The following MCTP2 variants were observed in gnomAD, a reference collection of about 807,000 sequenced individuals.
The protein encoded by MCTP2 is multiple C2 and transmembrane domain containing 2.
MCTP2 carries 132 observed loss-of-function variants against 111.6 expected under a neutral mutation model. The ratio of observed to expected loss-of-function variants is 1.18; its 90% CI spans 1.03 to 1.37. The LOEUF is 1.37. MCTP2 is among the 40% of genes most tolerant of loss of function. The pLI, the probability that MCTP2 is intolerant of heterozygous loss-of-function variation, is 0.00. For synonymous variants in MCTP2, 395 were observed against 387.7 expected, an observed-to-expected ratio of 1.02 and a Z score of -0.22; for missense variants, 1,183 against 1,067.9, an observed-to-expected ratio of 1.11 and a Z score of -1.50.
At chr15:94,398,706 T>C (rs1222663309) in intron 14 of MCTP2, among the ~76,000 whole-genome samples, 3 of 152,238 alleles carry the variant, frequency 2.0e-5, no homozygotes, top group East Asian at 1.9e-4. Flanking sequence ...ATGTAACTTA[T>C]GATTTGCACC....
intron 1 of MCTP2, among the ~76,000 whole-genome samples, chr15:94,287,217 G>A (rs747441056): frequency 1.8e-4 from 25 of 142,576 alleles, no homozygotes; most frequent in Non-Finnish European, 3.2e-4. Context: ...GAGACCAAGC[G>A]TACATTACGT....
intron 20 of MCTP2, among the ~76,000 whole-genome samples, chr15:94,467,076 A>G (rs2073404438): frequency 6.6e-6 from 1 of 152,270 alleles, no homozygotes; most frequent in Non-Finnish European, 1.5e-5. Flanking sequence ...AATGATTTAT[A>G]TGTATAAATG....
chr15:94,406,050 G>T (rs898894044), intron 17 of MCTP2, among the ~76,000 whole-genome samples: 2 of 152,124 alleles, frequency 1.3e-5, no homozygotes, highest in Non-Finnish European at 2.9e-5. Flanking sequence ...GTAAATATAT[G>T]TGGTATTTTA....
intron 21 of MCTP2, among the ~76,000 whole-genome samples, chr15:94,474,862 T>TG (rs1479636034): frequency 6.6e-6 from 1 of 151,628 alleles, no homozygotes; most frequent in Non-Finnish European, 1.5e-5. Flanking sequence ...ATCCTAAGTT[T>TG]TTTTTTTTCA....
chr15:94,301,975 G>C (rs2075637461), intron 2 of MCTP2, among the ~76,000 whole-genome samples: 1 of 151,976 alleles, frequency 6.6e-6, no homozygotes, highest in African/African-American at 2.4e-5. Context: ...ACCTTGTGTG[G>C]AATGAGGAAG....
chr15:94,474,742 G>T (rs753335489), intron 21 of MCTP2, among the ~76,000 whole-genome samples: 1 of 152,108 alleles, frequency 6.6e-6, no homozygotes, highest in Non-Finnish European at 1.5e-5. Context: ...GTTGACAGTC[G>T]GTCTCACAGA....
intron 17 of MCTP2, among the ~76,000 whole-genome samples, chr15:94,437,955 A>G (rs1470322078): frequency 3.3e-5 from 5 of 152,034 alleles, no homozygotes; most frequent in African/African-American, 1.2e-4. Context: ...TAAAAAAAAA[A>G]ATTAAAAACA....
chr15:94,244,313 C>CATATGTATACACATGTATATATACACGT (rs1567258401), intron 1 of MCTP2, among the ~76,000 whole-genome samples: 1 of 147,518 alleles, frequency 6.8e-6, no homozygotes, highest in Non-Finnish European at 1.5e-5. Flanking sequence ...TTTATATACA[C>CATATGTATACACATGTATATATACACGT]ATATGTATAC....
In MCTP2 at chr15:94,298,317, C is replaced by T. The variant is rs1228399557; in HGVS notation, c.52C>T (p.Pro18Ser). ...VWGSLKQRTR[P>S]LLINLSKKKV... ...GGGCTCATTAAAACAGCGGACCAGGCCATTGTTGATCAACTTGAGCAAGAA... is the reference window on the plus strand; with the variant it reads ...GGGCTCATTAAAACAGCGGACCAGGTCATTGTTGATCAACTTGAGCAAGAA... The change falls in exon 2 of 23, where the codon CCA becomes TCA. Residue 18 changes from proline (P) to serine (S), a missense_variant. Coordinates refer to ENST00000357742, the MANE Select transcript of MCTP2 (RefSeq NM_001385001.1). 6.2e-7 allele frequency: 1 copy of T among 1,613,890 alleles called. No individual in the cohort carries two copies. The highest frequency in any genetic ancestry group is 8.5e-7 in the Non-Finnish European group (1 of 1,179,984).
At chr15:94,312,728 C>T (rs2076202920) in intron 2 of MCTP2, among the ~76,000 whole-genome samples, 1 of 152,174 alleles carries the variant, frequency 6.6e-6, no homozygotes, top group South Asian at 2.1e-4. Flanking sequence ...AGGCTCCATT[C>T]CTTCTTGTAC....
At chr15:94,477,460 C>T (rs1196248860) in intron 22 of MCTP2, among the ~76,000 whole-genome samples, 1 of 152,082 alleles carries the variant, frequency 6.6e-6, no homozygotes, top group Non-Finnish European at 1.5e-5. Context: ...TAGCTCGATC[C>T]TGGCCCCTGT....
intron 1 of MCTP2, among the ~76,000 whole-genome samples, chr15:94,232,328 A>G (rs972294638): frequency 6.6e-6 from 1 of 152,122 alleles, no homozygotes; most frequent in African/African-American, 2.4e-5. Flanking sequence ...AGTCTGAATG[A>G]ACTTCTGTGC....
rs145828792 is a variant in MCTP2 at position 94,332,603 on chromosome 15, G to T, written c.638-6687G>T. On this transcript the variant is annotated intron_variant, in intron 4 of 22. Coordinates refer to ENST00000357742, the MANE Select transcript of MCTP2 (RefSeq NM_001385001.1). ...TCCCAAAGAAAGTTATCAGATATTC[G>T]AAAATGTGAACTTAGTGTAAAAATA... 6.2e-3 allele frequency among the ~76,000 whole-genome samples: 950 copies of T among 152,214 alleles called. 17 individuals are homozygous for T. The highest frequency in any genetic ancestry group is 0.022 in the African/African-American group (917 of 41,522).
intron 20 of MCTP2, 60 bp downstream of exon 20, chr15:94,458,306 G>C (rs994177876): frequency 3.0e-6 from 3 of 1,005,010 alleles, no homozygotes; most frequent in Non-Finnish European, 4.8e-6. Flanking sequence ...AAGGACAGTG[G>C]GGTAATGGCA....
chr15:94,381,207 T>C (rs1304223619), intron 12 of MCTP2, among the ~76,000 whole-genome samples: 2 of 152,246 alleles, frequency 1.3e-5, no homozygotes, highest in African/African-American at 4.8e-5. Context: ...ATATTTGTTA[T>C]TGAAATTTTA....
At chr15:94,413,433 CT>C (rs1243927963) in intron 17 of MCTP2, among the ~76,000 whole-genome samples, 6 of 151,798 alleles carry the variant, frequency 4.0e-5, no homozygotes, top group African/African-American at 1.5e-4. Context: ...CATTTTAAGG[CT>C]TCTTTTTTTT....
intron 10 of MCTP2, among the ~76,000 whole-genome samples, chr15:94,358,955 T>A (rs2078775766): frequency 1.3e-5 from 2 of 152,184 alleles, no homozygotes. Context: ...TATAATTTAG[T>A]AAAGGTCTAA....
chr15:94,327,679 G>A (rs941786577), intron 4 of MCTP2, among the ~76,000 whole-genome samples: 5 of 152,212 alleles, frequency 3.3e-5, no homozygotes, highest in African/African-American at 1.2e-4. Context: ...CACTCTTTGA[G>A]TTTTGGTAGC....
chr15:94,407,789 A>G (rs1002897605), intron 17 of MCTP2, among the ~76,000 whole-genome samples: 6 of 100,312 alleles, frequency 6.0e-5, no homozygotes, highest in Admixed American at 1.7e-4. Context: ...ACACACACAC[A>G]CACACACACA....
Sources: allele counts gnomAD v4.1 joint callset (sites outside exome capture counted in the v4.1 genomes callset), GRCh38; gene constraint gnomAD v4.1.1; transcripts MANE v1.5; gene names NCBI Gene and HGNC (gene_info 2026-07-23, HGNC 2026-07-21).